ESD: variants seen among roughly 807,000 people sequenced by gnomAD.
ESD encodes the protein esterase D.
A neutral mutation model predicts 38.1 loss-of-function variants in ESD; 34 were observed. The observed-to-expected ratio is 0.89, with a 90% CI of 0.68 to 1.19. ESD has a LOEUF of 1.19. Ranked by LOEUF, ESD falls within the 50% of genes most tolerant of loss-of-function variation. The pLI, the probability that ESD is intolerant of heterozygous loss-of-function variation, is 0.00. For missense variants in ESD, 334 were observed against 327.2 expected (o/e 1.02, Z -0.16); for synonymous variants, 97 against 107.0 (o/e 0.91, Z 0.58).
chr13:46,788,955 T>C (rs1177778550), intron 3 of ESD, among the ~76,000 whole-genome samples: 8 of 152,162 alleles, frequency 5.3e-5, no homozygotes. Context: ...TACAGTGATA[T>C]TAATAAAAAT....
Position 46,793,453 on chromosome 13 carries a change from A to T in ESD, c.-55-9T>A, listed in dbSNP as rs541643494. ...CCAAATGGTAGGCGATTCTGAAAAA[A>T]ACACCAATGGTTTACAAATGGGATA... is the stretch of plus-strand genomic sequence containing the variant. On this transcript the variant is annotated splice_polypyrimidine_tract_variant and intron_variant, in intron 1 of 9. Coordinates refer to ENST00000378720, the MANE Select transcript of ESD (RefSeq NM_001984.2). 6.5e-6 allele frequency: 1 copy of T among 152,760 alleles called. No individual in the cohort carries two copies. The highest frequency in any genetic ancestry group is 2.1e-4 in the South Asian group (1 of 4,832). 9.5% of individuals were successfully genotyped at this position (152,760 alleles called of 1,614,324 possible).
chr13:46,771,794 T>A (rs1486222173), intron 9 of ESD, among the ~76,000 whole-genome samples: 1 of 151,470 alleles, frequency 6.6e-6, no homozygotes, highest in Non-Finnish European at 1.5e-5. Context: ...AACACATTAA[T>A]TAAATATGCA....
chr13:46,789,150 C>CT (rs1875302758), intron 3 of ESD, among the ~76,000 whole-genome samples: 2 of 152,136 alleles, frequency 1.3e-5, no homozygotes, highest in Non-Finnish European at 2.9e-5. Flanking sequence ...TAATATAGCT[C>CT]CACTCATCTG....
chr13:46,784,562 C>T lies in ESD; in HGVS notation c.158-212G>A, dbSNP rs1338689976. Among the ~76,000 whole-genome samples, 6 of 151,796 alleles carry T rather than the reference C, an allele frequency of 4.0e-5. No individual in the cohort carries two copies. The South Asian group carries it at 1.2e-3, about 32-fold the overall frequency. Reference sequence around the variant, plus strand: ...CTCATATAACAAACCTGCACGTGTACCCCTTTAATCTAAAATAAAAGTTGA... The same window carrying T: ...CTCATATAACAAACCTGCACGTGTATCCCTTTAATCTAAAATAAAAGTTGA... On this transcript the variant is annotated intron_variant, in intron 4 of 9. Coordinates refer to ENST00000378720, the MANE Select transcript of ESD (RefSeq NM_001984.2).
intron 2 of ESD, among the ~76,000 whole-genome samples, chr13:46,792,614 A>G (rs1020141325): frequency 5.3e-5 from 8 of 151,978 alleles, no homozygotes; most frequent in Non-Finnish European, 1.0e-4. Context: ...TCATTTTTTA[A>G]GACACTTTAA....
intron 4 of ESD, among the ~76,000 whole-genome samples, chr13:46,784,760 C>T (rs984764946): frequency 3.3e-5 from 5 of 151,838 alleles, no homozygotes; most frequent in East Asian, 3.9e-4. Flanking sequence ...TAGTATTAAC[C>T]TAAGAACTGT....
At chr13:46,786,945 A>T in intron 4 of ESD, 76 bp downstream of exon 4, 1 of 888,296 alleles carries the variant, frequency 1.1e-6, no homozygotes, top group Non-Finnish European at 1.6e-6. Context: ...CTACCAAGTT[A>T]AAATAAAAGG....
intron 9 of ESD, 123 bp from the exon 10 acceptor site, chr13:46,771,619 T>A: frequency 3.7e-6 from 2 of 543,762 alleles, no homozygotes; most frequent in Non-Finnish European, 6.4e-6. Flanking sequence ...TAAGGAAGTA[T>A]GAGGAAGGTT....
intron 5 of ESD, 67 bp downstream of exon 5, chr13:46,784,185 A>T: frequency 8.1e-7 from 1 of 1,234,124 alleles, no homozygotes. Flanking sequence ...TGTATATATC[A>T]TACCACTTTA....
intron 2 of ESD, among the ~76,000 whole-genome samples, chr13:46,791,777 C>T (rs879502444): frequency 5.9e-5 from 9 of 151,958 alleles, no homozygotes; most frequent in African/African-American, 1.7e-4. Flanking sequence ...AATAGTCTGC[C>T]TATCAACTGC....
chr13:46,785,421 A>T (rs982042353), intron 4 of ESD, among the ~76,000 whole-genome samples: 4 of 152,056 alleles, frequency 2.6e-5, no homozygotes, highest in African/African-American at 7.2e-5. Flanking sequence ...CAGCTAATAA[A>T]GGGCTGTTTC....
intron 1 of ESD, among the ~76,000 whole-genome samples, chr13:46,796,023 G>T (rs1875562386): frequency 6.6e-6 from 1 of 151,800 alleles, no homozygotes. Flanking sequence ...TAAACTCTGG[G>T]GAAAATTTTT....
At chr13:46,789,162 A>C (rs936857488) in intron 3 of ESD, among the ~76,000 whole-genome samples, 1 of 152,134 alleles carries the variant, frequency 6.6e-6, no homozygotes, top group Non-Finnish European at 1.5e-5. Flanking sequence ...ACTCATCTGG[A>C]AACTCTTTCT....
chr13:46,788,735 T>A (rs1276122016), intron 3 of ESD, among the ~76,000 whole-genome samples: 2 of 149,056 alleles, frequency 1.3e-5, no homozygotes, highest in South Asian at 2.1e-4. Context: ...TCTGTCCCTA[T>A]CATGTCATTA....
At chr13:46,774,850 A>T (rs1469835483) in intron 9 of ESD, among the ~76,000 whole-genome samples, 1 of 152,210 alleles carries the variant, frequency 6.6e-6, no homozygotes, top group Non-Finnish European at 1.5e-5. Context: ...TATGCTAAAT[A>T]AGCATGGGAT....
Position 46,777,490 on chromosome 13 carries a change from T to A in ESD, c.734A>T (p.Glu245Val). ...LPDNFIAACT[E>V]KKIPVVFRLQ... ...TCGAAAAACAACGGGGATTTTCTTTTCTGTACAGGCAGCTATGAAGTTATC... is the reference window on the plus strand; with the variant it reads ...TCGAAAAACAACGGGGATTTTCTTTACTGTACAGGCAGCTATGAAGTTATC... Residue 245 changes from glutamate (E) to valine (V), a missense_variant, in exon 9 of 10, where the codon GAA becomes GTA. Glu to Val is a moderately radical substitution (Grantham distance 121). Transcript: ENST00000378720. 1 of 1,607,436 alleles carries A rather than the reference T, an allele frequency of 6.2e-7. No homozygotes were observed. The highest frequency in any genetic ancestry group is 1.7e-5 in the Admixed American group (1 of 59,842).
upstream of ESD, chr13:46,797,322 C>G (rs889305821): frequency 6.5e-6 from 1 of 153,040 alleles, no homozygotes; most frequent in Non-Finnish European, 1.5e-5. Flanking sequence ...CGCGTGGGCG[C>G]CCCCTCCAAC....
intron 5 of ESD, among the ~76,000 whole-genome samples, chr13:46,783,221 A>C (rs1875072550): frequency 6.6e-6 from 1 of 151,970 alleles, no homozygotes; most frequent in Admixed American, 6.6e-5. Context: ...TTCTCTTTAC[A>C]CAGGAGTGGG....
intron 6 of ESD, 102 bp downstream of exon 6, chr13:46,782,564 CT>C: frequency 7.6e-7 from 1 of 1,323,194 alleles, no homozygotes; most frequent in Non-Finnish European, 1.0e-6. Flanking sequence ...TTACTAGTAA[CT>C]TTTATACCCT....
Sources: allele counts gnomAD v4.1 joint callset (sites outside exome capture counted in the v4.1 genomes callset), GRCh38; gene constraint gnomAD v4.1.1; transcripts MANE v1.5; gene names NCBI Gene and HGNC (gene_info 2026-07-23, HGNC 2026-07-21).